The following TRAM1 variants were observed in gnomAD, a reference collection of about 807,000 sequenced individuals.
TRAM1 encodes translocating chain-associated membrane protein 1.
A neutral mutation model predicts 48.7 loss-of-function variants in TRAM1; 17 were observed. The observed-to-expected ratio is 0.35, with a 90% CI of 0.24 to 0.52. TRAM1 has a LOEUF of 0.52. Among genes scored for constraint, TRAM1 ranks in the 20% least tolerant of loss-of-function variants. TRAM1 has a pLI of 0.94. For missense variants in TRAM1, 351 were observed against 441.5 expected, an observed-to-expected ratio of 0.79 and a Z score of 1.84; for synonymous variants, 182 against 154.0, an observed-to-expected ratio of 1.18 and a Z score of -1.34.
Position 70,608,164 on chromosome 8 carries a change from TG to T in TRAM1, c.35del (p.Pro12GlnfsTer3). 6.3e-7 allele frequency: 1 copy of T among 1,594,502 alleles called. No homozygotes were observed. The highest frequency in any genetic ancestry group is 8.5e-7 in the Non-Finnish European group (1 of 1,171,802). On this transcript the variant is annotated frameshift_variant, in exon 1 of 11. Transcript: ENST00000262213. LOFTEE classifies it high-confidence loss of function. ...GCAGGACGAATTCGTGGCTCAGCAC[TG>T]GGGGGCTCTTGGTGCTTTTCTTGCG... ...AIRKKSTKSP[P>X]VLSHEFVLQN... is the part of the protein sequence containing the mutation.
rs565570059 is a variant in TRAM1, at chr8:70,598,469, A to G, written c.188-214T>C. Among the ~76,000 whole-genome samples the G allele has an allele frequency of 4.6e-5, 7 of 152,322 alleles. No individual in the cohort carries two copies. The East Asian group carries it at 1.2e-3, about 25-fold the overall frequency. On this transcript the variant is annotated intron_variant, in intron 2 of 10. Coordinates refer to ENST00000262213, the MANE Select transcript of TRAM1 (RefSeq NM_014294.6). Reference sequence around the variant, plus strand: ...ATCTAAAGCTTTAGAAATTACTTACAAAGACTTGACACATGTTAGTCACAG... The same window carrying G: ...ATCTAAAGCTTTAGAAATTACTTACGAAGACTTGACACATGTTAGTCACAG...
chr8:70,585,448 C>CT (rs371120932), intron 8 of TRAM1, among the ~76,000 whole-genome samples: 1 of 151,866 alleles, frequency 6.6e-6, no homozygotes, highest in Admixed American at 6.6e-5. Context: ...AACTAAAGAG[C>CT]TCTGCACAGC....
At chr8:70,592,219 A>G (rs550751715) in intron 6 of TRAM1, among the ~76,000 whole-genome samples, 63 of 152,322 alleles carry the variant, frequency 4.1e-4, no homozygotes, top group Non-Finnish European at 7.2e-4. Flanking sequence ...TATACACAGT[A>G]TATGTAATTT....
Position 70,573,950 on chromosome 8 carries a change from GCA to G in TRAM1, c.*980_*981del, listed in dbSNP as rs1472727631. The G allele has an allele frequency of 5.3e-6, 1 of 188,734 alleles. No individual in the cohort carries two copies. The highest frequency in any genetic ancestry group is 1.1e-5 in the Non-Finnish European group (1 of 91,242). The allele number at this position is 188,734 out of a possible 1,614,324, so 11.7% of individuals were successfully genotyped here. ...ACCAAAGCTATAGGTATAACATAAA[GCA>G]CATTGTCTTTTGTAAGACTATTTAT... On this transcript the variant is annotated 3_prime_UTR_variant, in exon 11 of 11. Coordinates refer to ENST00000262213, the MANE Select transcript of TRAM1 (RefSeq NM_014294.6).
intron 4 of TRAM1, among the ~76,000 whole-genome samples, chr8:70,597,142 A>G (rs1817504815): frequency 6.6e-6 from 1 of 152,218 alleles, no homozygotes; most frequent in Non-Finnish European, 1.5e-5. Context: ...ATGGAACACC[A>G]TATAAATTTA....
intron 6 of TRAM1, among the ~76,000 whole-genome samples, chr8:70,592,805 C>A (rs931797933): frequency 6.6e-6 from 1 of 152,192 alleles, no homozygotes; most frequent in Non-Finnish European, 1.5e-5. Flanking sequence ...GAACTTTCTG[C>A]AATCATGGAA....
intron 10 of TRAM1, among the ~76,000 whole-genome samples, chr8:70,577,255 T>C (rs969910166): frequency 3.3e-5 from 5 of 152,154 alleles, no homozygotes; most frequent in Non-Finnish European, 7.4e-5. Flanking sequence ...GCACCACGGA[T>C]GGCAGGTTGA....
intron 1 of TRAM1, 148 bp downstream of exon 1, chr8:70,607,929 A>T: frequency 1.0e-6 from 1 of 968,690 alleles, no homozygotes; most frequent in Non-Finnish European, 1.4e-6. Context: ...CAGGGCAGGG[A>T]AGGCCTGCAC....
At chr8:70,589,991 GC>G (rs1279307158) in intron 6 of TRAM1, among the ~76,000 whole-genome samples, 1 of 152,052 alleles carries the variant, frequency 6.6e-6, no homozygotes, top group African/African-American at 2.4e-5. Flanking sequence ...AAAAAATATT[GC>G]CATATTCTTT....
chr8:70,585,037 A>G (rs1342123550), intron 8 of TRAM1, among the ~76,000 whole-genome samples: 4 of 152,186 alleles, frequency 2.6e-5, no homozygotes, highest in Admixed American at 1.3e-4. Context: ...CTATACTACA[A>G]GGCCACAGTA....
At chr8:70,577,161 C>A (rs1387370519) in intron 10 of TRAM1, among the ~76,000 whole-genome samples, 2 of 152,168 alleles carry the variant, frequency 1.3e-5, no homozygotes, top group Non-Finnish European at 1.5e-5. Context: ...ACTTTGGGTG[C>A]TGATGAGCAC....
rs144322976 is a variant in TRAM1 at position 70,582,373 on chromosome 8, T to A, written c.1051+791A>T. ...TCACAGGCATGATCATTGTGCACTGTAACCTTGAACTCCTGGGTTCAAGTG... is the reference window on the plus strand; with the variant it reads ...TCACAGGCATGATCATTGTGCACTGAAACCTTGAACTCCTGGGTTCAAGTG... On this transcript the variant is annotated intron_variant, in intron 10 of 10. Coordinates refer to ENST00000262213, the MANE Select transcript of TRAM1 (RefSeq NM_014294.6). Among the ~76,000 whole-genome samples the A allele has an allele frequency of 1.8e-3, 279 of 151,718 alleles. 1 individual carries two copies. The highest frequency in any genetic ancestry group is 3.2e-3 in the Non-Finnish European group (215 of 67,928).
At chr8:70,590,069 T>C (rs933621699) in intron 6 of TRAM1, among the ~76,000 whole-genome samples, 9 of 151,758 alleles carry the variant, frequency 5.9e-5, no homozygotes, top group African/African-American at 1.9e-4. Context: ...TTAAAACTTA[T>C]GAGGGAAGCG....
intron 2 of TRAM1, among the ~76,000 whole-genome samples, chr8:70,599,434 C>T (rs1817559262): frequency 1.3e-5 from 2 of 152,154 alleles, no homozygotes; most frequent in Admixed American, 6.5e-5. Flanking sequence ...TATTAAATTA[C>T]AATCAACTTC....
At chr8:70,589,423 G>A (rs1438072970) in intron 6 of TRAM1, among the ~76,000 whole-genome samples, 1 of 152,188 alleles carries the variant, frequency 6.6e-6, no homozygotes, top group Non-Finnish European at 1.5e-5. Context: ...AATGCAATTT[G>A]ATGTACAATG....
At chr8:70,595,165 G>A (rs1376128168) in intron 5 of TRAM1, among the ~76,000 whole-genome samples, 2 of 151,936 alleles carry the variant, frequency 1.3e-5, no homozygotes, top group Non-Finnish European at 2.9e-5. Flanking sequence ...GGCTCTCCAG[G>A]AGCTATATCA....
chr8:70,584,800 A>C (rs1405768305), intron 8 of TRAM1, among the ~76,000 whole-genome samples: 1 of 152,114 alleles, frequency 6.6e-6, no homozygotes, highest in Non-Finnish European at 1.5e-5. Context: ...AAATGGAAGA[A>C]CATTCCATGC....
intron 6 of TRAM1, chr8:70,587,674 A>G (rs1296245273): frequency 6.5e-6 from 1 of 152,942 alleles, no homozygotes; most frequent in South Asian, 2.0e-4. Flanking sequence ...TCATAGTAGT[A>G]GAGACACTTC....
chr8:70,593,791 T>C (rs1357337048), intron 6 of TRAM1, among the ~76,000 whole-genome samples: 1 of 151,454 alleles, frequency 6.6e-6, no homozygotes, highest in Non-Finnish European at 1.5e-5. Flanking sequence ...GGAGAAACTC[T>C]CAGGGCACAG....
Sources: allele counts gnomAD v4.1 joint callset (sites outside exome capture counted in the v4.1 genomes callset), GRCh38; gene constraint gnomAD v4.1.1; transcripts MANE v1.5; gene names NCBI Gene and HGNC (gene_info 2026-07-23, HGNC 2026-07-21).